Variants in SRP68 observed in about 807,000 individuals in gnomAD.
SRP68 encodes the protein signal recognition particle subunit SRP68.
Under a neutral mutation model 82.2 loss-of-function variants are expected in SRP68, and 15 were observed. The ratio of observed to expected loss-of-function variants is 0.18; its 90% CI spans 0.12 to 0.28. The LOEUF (loss-of-function observed/expected upper bound fraction) is 0.28. Among genes scored for constraint, SRP68 ranks in the 10% least tolerant of loss-of-function variants. The pLI, the probability that SRP68 is intolerant of heterozygous loss-of-function variation, is 1.00. For missense variants in SRP68, 595 were observed against 780.5 expected (o/e 0.76, Z 2.83); for synonymous variants, 261 against 292.6 (o/e 0.89, Z 1.10).
intron 10 of SRP68, 63 bp from the exon 11 acceptor site, chr17:76,046,257 G>C: frequency 6.4e-7 from 1 of 1,570,938 alleles, no homozygotes; most frequent in Non-Finnish European, 8.7e-7. Flanking sequence ...GGGAGGACTG[G>C]ACTACAAGTT....
chr17:76,061,382 A>C (rs2066751183), intron 5 of SRP68, 110 bp downstream of exon 5: 2 of 1,065,606 alleles, frequency 1.9e-6, no homozygotes, highest in Non-Finnish European at 2.8e-6. Flanking sequence ...TTTCTATAGG[A>C]AAGAAAAGTC....
chr17:76,052,675 G>A (rs894502361), intron 8 of SRP68, among the ~76,000 whole-genome samples: 23 of 151,866 alleles, frequency 1.5e-4, no homozygotes, highest in Non-Finnish European at 3.2e-4. Context: ...ATGGTGGTGG[G>A]CACCTGTAGT....
At chr17:76,070,079 AAAAC>A (rs1208330539) in intron 2 of SRP68, among the ~76,000 whole-genome samples, 12 of 151,738 alleles carry the variant, frequency 7.9e-5, no homozygotes, top group Admixed American at 2.6e-4. Flanking sequence ...TCCATCTCAA[AAAAC>A]AAACAAACAA....
At position 76,039,391 on chromosome 17, in the gene SRP68, G is replaced by A. The variant is rs1384781238; in HGVS notation, c.*315C>T. The A allele has an allele frequency of 3.7e-6, 2 of 544,502 alleles. No individual in the cohort carries two copies. The highest frequency in any genetic ancestry group is 3.1e-5 in the South Asian group (2 of 65,324). 33.7% of individuals were successfully genotyped at this position (544,502 alleles called of 1,614,324 possible). A position where few individuals can be genotyped will look rare whatever the true frequency, so the allele number is the denominator to read the frequency against. On this transcript the variant is annotated 3_prime_UTR_variant, in exon 16 of 16. Coordinates refer to ENST00000307877, the MANE Select transcript of SRP68 (RefSeq NM_014230.4). ...TCAAGGCCCCATCTGTGCCTGGTGT[G>A]GACTCCTGAACGCATTACTGACCAA...
rs956875283 is a variant in SRP68 at position 76,071,994 on chromosome 17, G to A, written c.184+314C>T. The A allele has an allele frequency of 1.1e-5, 5 of 475,372 alleles. No individual in the cohort carries two copies. Among genetic ancestry groups the A allele is most frequent in the African/African-American group, 8.3e-5 (4 of 48,156 alleles). 29.4% of individuals were successfully genotyped at this position (475,372 alleles called of 1,614,324 possible). A position where few individuals can be genotyped will look rare whatever the true frequency, so the allele number is the denominator to read the frequency against. On this transcript the variant is annotated intron_variant, in intron 1 of 15. Coordinates refer to ENST00000307877, the MANE Select transcript of SRP68 (RefSeq NM_014230.4). This position sits in a 1 kb window ranked among gnomAD's most constrained non-coding sequence, Gnocchi z 4.7. ...CAGTTCAGTGGCTCAAGGTGCCAAA[G>A]CAAGGTGCTCAAGGTGTCACTTGGT...
rs1301321075 is a variant in SRP68, at chr17:76,040,957, G to A, written c.1546C>T (p.Leu516Phe). 1.2e-6 allele frequency: 2 copies of A among 1,613,904 alleles called. No individual in the cohort carries two copies. Among genetic ancestry groups the A allele is most frequent in the Admixed American group, 1.7e-5 (1 of 59,992 alleles). Residue 516 changes from leucine (L) to phenylalanine (F), a missense_variant, in exon 14 of 16, where the codon CTC becomes TTC. Leu to Phe is a conservative substitution (Grantham distance 22). Transcript: ENST00000307877. The stretch of plus-strand genomic sequence containing the variant: ...TTCTCTGACCGCACTTGAGTGATGA[G>A]CTCTTGCACATCAGGCAGGTCCTGT... ...SLKDLPDVQELITQVRSEKCS... is the reference protein window; with the variant it reads ...SLKDLPDVQEFITQVRSEKCS...
chr17:76,057,062 C>T (rs1290557411), intron 8 of SRP68, among the ~76,000 whole-genome samples: 1 of 152,210 alleles, frequency 6.6e-6, no homozygotes, highest in Non-Finnish European at 1.5e-5. Context: ...GTTACGACAA[C>T]ATGTCAGAGA....
At chr17:76,059,083 CA>C (rs931328066) in intron 7 of SRP68, among the ~76,000 whole-genome samples, 1 of 151,322 alleles carries the variant, frequency 6.6e-6, no homozygotes, top group South Asian at 2.1e-4. Flanking sequence ...CTGTCTCTAC[CA>C]AAAAACAAAA....
intron 7 of SRP68, 34 bp downstream of exon 7, chr17:76,060,274 A>G (rs2066743330): frequency 3.3e-6 from 5 of 1,506,360 alleles, no homozygotes; most frequent in Non-Finnish European, 4.6e-6. Context: ...ACTTTGTCCA[A>G]AGACTTTTCA....
chr17:76,046,031 G>A lies in SRP68; in HGVS notation c.1299+7C>T, dbSNP rs148839219. The A allele has an allele frequency of 1.8e-4, 294 of 1,613,688 alleles. No individual in the cohort carries two copies. Among genetic ancestry groups the A allele is most frequent in the Middle Eastern group, 1.7e-3 (10 of 5,914 alleles). On this transcript the variant is annotated splice_region_variant and intron_variant, in intron 11 of 15. Coordinates refer to ENST00000307877, the MANE Select transcript of SRP68 (RefSeq NM_014230.4). ...AGGCCCTTGCCTTCCCGGTCCTCAA[G>A]GGTCACCTGTAAGATGATGTCATAG...
rs941592605 is a variant in SRP68 at position 76,071,698 on chromosome 17, T to C, written c.184+610A>G. 6.6e-6 allele frequency among the ~76,000 whole-genome samples: 1 copy of C among 152,312 alleles called. No homozygotes were observed. The stretch of plus-strand genomic sequence containing the variant: ...CAAACTAGTACCACAAGCACTTGGT[T>C]GAGATACACACTGATGGAAACTAGA... On this transcript the variant is annotated intron_variant, in intron 1 of 15. Transcript: ENST00000307877. This position sits in a 1 kb window ranked among gnomAD's most constrained non-coding sequence, Gnocchi z 4.7.
intron 3 of SRP68, among the ~76,000 whole-genome samples, chr17:76,066,024 C>T (rs2066803539): frequency 6.6e-6 from 1 of 151,902 alleles, no homozygotes; most frequent in African/African-American, 2.4e-5. Context: ...AAGGTGGCAG[C>T]AGCGTAATTT....
At chr17:76,042,535 T>TAA (rs59216233) in intron 13 of SRP68, among the ~76,000 whole-genome samples, 3 of 129,844 alleles carry the variant, frequency 2.3e-5, no homozygotes, top group Admixed American at 7.7e-5. Context: ...GACTCCATCT[T>TAA]AAAAAAAAAA....
chr17:76,041,099 TCTCA>T (rs2144477056), intron 13 of SRP68, 121 bp from the exon 14 acceptor site: 3 of 676,238 alleles, frequency 4.4e-6, no homozygotes, highest in East Asian at 5.5e-5. Context: ...TCTAAACGGT[TCTCA>T]CTATTAGAAC....
chr17:76,039,549 G>GC lies in SRP68; in HGVS notation c.*156_*157insG. Reference sequence around the variant, plus strand: ...CTCTCCTGACACGCTGCTTAAGAACGTGTACAGACACAAGATGTAGGAATG... The same window carrying GC: ...CTCTCCTGACACGCTGCTTAAGAACGCTGTACAGACACAAGATGTAGGAATG... On this transcript the variant is annotated 3_prime_UTR_variant, in exon 16 of 16. Coordinates refer to ENST00000307877, the MANE Select transcript of SRP68 (RefSeq NM_014230.4). 1.4e-6 allele frequency: 1 copy of GC among 727,750 alleles called. No homozygotes were observed. The highest frequency in any genetic ancestry group is 2.4e-5 in the Admixed American group (1 of 42,054). 45.1% of individuals were successfully genotyped at this position (727,750 alleles called of 1,614,324 possible).
intron 10 of SRP68, 48 bp from the exon 11 acceptor site, chr17:76,046,242 G>T: frequency 1.3e-6 from 2 of 1,570,284 alleles, no homozygotes; most frequent in Non-Finnish European, 8.7e-7. Context: ...AGAAGCGGAG[G>T]AACTGGGAGG....
rs753179970 is a variant in SRP68 at position 76,063,938 on chromosome 17, A to G, written c.561+38T>C. On this transcript the variant is annotated intron_variant, in intron 4 of 15. Transcript: ENST00000307877. The stretch of plus-strand genomic sequence containing the variant: ...ACTGCAGCTTTTTAAAATGTCTTTA[A>G]TCTCCACAATAAACAAGCTGAATGT... 13 of 1,548,628 alleles carry G rather than the reference A, an allele frequency of 8.4e-6. No individual in the cohort carries two copies. In the South Asian group the frequency reaches 1.3e-4, roughly 15 times the overall value.
At chr17:76,050,759 G>T (rs1300121798) in intron 8 of SRP68, among the ~76,000 whole-genome samples, 1 of 78,536 alleles carries the variant, frequency 1.3e-5, no homozygotes, top group Admixed American at 1.6e-4. Flanking sequence ...CAAACATGCT[G>T]AAAAAGCTGT....
At position 76,053,537 on chromosome 17, in the gene SRP68, T is replaced by C. The variant is rs144311457; in HGVS notation, c.979-3011A>G. ...ACTGCCACGTATCACCTCTGCTCCC[T>C]TTAACTAAGCCTCTGCATCAAGGTG... On this transcript the variant is annotated intron_variant, in intron 8 of 15. Transcript: ENST00000307877. The C allele has an allele frequency of 3.0e-6, 3 of 985,418 alleles. No homozygotes were observed. In the East Asian group the frequency reaches 3.4e-4, roughly 112 times the overall value. The allele number at this position is 985,418 out of a possible 1,614,324, so 61.0% of individuals were successfully genotyped here. A position where few individuals can be genotyped will look rare whatever the true frequency, so the allele number is the denominator to read the frequency against.
Sources: allele counts gnomAD v4.1 joint callset (sites outside exome capture counted in the v4.1 genomes callset), GRCh38; gene constraint gnomAD v4.1.1; non-coding constraint Gnocchi (gnomAD v3.1); transcripts MANE v1.5; gene names NCBI Gene and HGNC (gene_info 2026-07-23, HGNC 2026-07-21).